The following TMEM131 variants were observed in gnomAD, a reference collection of about 807,000 sequenced individuals.
The protein encoded by TMEM131 is 2610524E03Rik.
In TMEM131, 66 loss-of-function variants were observed where a neutral mutation model predicts 211.6. The ratio of observed to expected loss-of-function variants is 0.31; its 90% confidence interval spans 0.26 to 0.38. The LOEUF (loss-of-function observed/expected upper bound fraction) is 0.38. Among genes scored for constraint, TMEM131 ranks in the 10% least tolerant of loss-of-function variants. The pLI is 1.00. For synonymous variants in TMEM131, 844 were observed against 841.3 expected, an observed-to-expected ratio of 1.00 and a Z score of -0.06; for missense variants, 2,036 against 2,299.3, an observed-to-expected ratio of 0.89 and a Z score of 2.34.
chr2:97,923,451 T>C lies in TMEM131; in HGVS notation c.249+3975A>G, dbSNP rs564410199. Among the ~76,000 whole-genome samples, 3 of 151,594 alleles carry C rather than the reference T, an allele frequency of 2.0e-5. No individual in the cohort carries two copies. In the South Asian group the frequency reaches 6.3e-4, roughly 32 times the overall value. On this transcript the variant is annotated intron_variant, in intron 2 of 40. Transcript: ENST00000186436. ...CAGCCTGGGCAACATAGTGAGAACC[T>C]ACCTCTATAAAAAATGAATAATTAG...
chr2:97,807,499 A>G (rs1024798693), intron 19 of TMEM131, among the ~76,000 whole-genome samples: 3 of 152,326 alleles, frequency 2.0e-5, no homozygotes, highest in South Asian at 4.1e-4. Flanking sequence ...TTGCCTTCCA[A>G]TATGAGTGGA....
At chr2:97,796,430 G>A (rs1680766317) in intron 27 of TMEM131, 26 bp from the exon 28 acceptor site, 2 of 1,405,782 alleles carry the variant, frequency 1.4e-6, no homozygotes, top group Non-Finnish European at 1.9e-6. Flanking sequence ...TCAGGAATAA[G>A]ACTAAATCTT....
intron 1 of TMEM131, among the ~76,000 whole-genome samples, chr2:97,936,593 C>T (rs72817710): frequency 5.1e-4 from 77 of 152,276 alleles, no homozygotes; most frequent in Non-Finnish European, 8.5e-4. Flanking sequence ...GCTCACCACA[C>T]GGAGACTTCA....
chr2:97,995,783 A>G lies in TMEM131; in HGVS notation c.-121T>C. The stretch of plus-strand genomic sequence containing the variant: ...GGCGCCGGGAGCGACAACGGTTGCG[A>G]GCCCGGGGCTCGATCTCCGAGCGTG... On this transcript the variant is annotated 5_prime_UTR_variant, in exon 1 of 41. Coordinates refer to ENST00000186436, the MANE Select transcript of TMEM131 (RefSeq NM_015348.2). The G allele has an allele frequency of 1.4e-6, 1 of 693,680 alleles. No individual in the cohort carries two copies. The allele number at this position is 693,680 out of a possible 1,614,324, so 43.0% of individuals were successfully genotyped here. A position where few individuals can be genotyped will look rare whatever the true frequency, so the allele number is the denominator to read the frequency against.
intron 31 of TMEM131, among the ~76,000 whole-genome samples, chr2:97,792,120 A>C (rs529073369): frequency 5.9e-5 from 9 of 152,230 alleles, no homozygotes; most frequent in Non-Finnish European, 1.3e-4. Flanking sequence ...ACAATAACAC[A>C]ATCTCAGGCA....
chr2:97,940,350 A>T (rs1677659347), intron 1 of TMEM131, among the ~76,000 whole-genome samples: 1 of 152,234 alleles, frequency 6.6e-6, no homozygotes, highest in Non-Finnish European at 1.5e-5. Flanking sequence ...ATGTGCAAAA[A>T]TCACAAGCAC....
chr2:97,794,937 T>C lies in TMEM131; in HGVS notation c.3379A>G (p.Ile1127Val). ...ELALYIIISG[I>V]MSALFLLVIG... ...TGAAACAAGACACAATACCTCATTA[T>C]TCCTGAGATGATGATATACAGAGCC... Residue 1127 changes from isoleucine (I) to valine (V), a missense_variant, in exon 29 of 41, where the codon ATA (isoleucine) becomes GTA (valine). Transcript: ENST00000186436. 1 of 1,580,232 alleles carries C rather than the reference T, an allele frequency of 6.3e-7. No homozygotes were observed. Among genetic ancestry groups the C allele is most frequent in the African/African-American group, 1.3e-5 (1 of 74,256 alleles).
intron 31 of TMEM131, among the ~76,000 whole-genome samples, chr2:97,782,155 G>C (rs879814920): frequency 3.3e-5 from 5 of 152,374 alleles, no homozygotes; most frequent in Admixed American, 3.3e-4. Context: ...TGGTGACAGA[G>C]GAGGCCGAGT....
intron 1 of TMEM131, among the ~76,000 whole-genome samples, chr2:97,947,633 A>G (rs1239446296): frequency 6.6e-6 from 1 of 152,166 alleles, no homozygotes; most frequent in Non-Finnish European, 1.5e-5. Context: ...TTTTCCCCAA[A>G]TTGATCTAGA....
Position 97,995,683 on chromosome 2 carries a change from C to G in TMEM131, c.-21G>C. ...CCCATCCCTGCCGGCCGGGGGCCGC[C>G]GCGCTCGAGGTCCGGCGCGGCCCTT... On this transcript the variant is annotated 5_prime_UTR_variant, in exon 1 of 41. Coordinates refer to ENST00000186436, the MANE Select transcript of TMEM131 (RefSeq NM_015348.2). The G allele has an allele frequency of 8.4e-7, 1 of 1,196,488 alleles. No homozygotes were observed. The highest frequency in any genetic ancestry group is 1.0e-6 in the Non-Finnish European group (1 of 964,802). 74.1% of individuals were successfully genotyped at this position (1,196,488 alleles called of 1,614,324 possible). A position where few individuals can be genotyped will look rare whatever the true frequency, so the allele number is the denominator to read the frequency against.
intron 2 of TMEM131, 80 bp downstream of exon 2, chr2:97,927,346 A>G: frequency 9.2e-7 from 1 of 1,086,442 alleles, no homozygotes. Context: ...CAGATAAACC[A>G]ATTACATTTT....
intron 2 of TMEM131, among the ~76,000 whole-genome samples, chr2:97,918,213 G>A (rs1171107141): frequency 6.6e-6 from 1 of 152,114 alleles, no homozygotes; most frequent in South Asian, 2.1e-4. Flanking sequence ...CAAAGTGTTG[G>A]GATTACAGGT....
intron 1 of TMEM131, among the ~76,000 whole-genome samples, chr2:97,987,683 T>G (rs1680089093): frequency 6.6e-6 from 1 of 152,184 alleles, no homozygotes; most frequent in Non-Finnish European, 1.5e-5. Context: ...AATGATACAC[T>G]GATTAAAATC....
intron 39 of TMEM131, 193 bp from the exon 40 acceptor site, chr2:97,759,246 C>A: frequency 1.6e-6 from 1 of 640,038 alleles, no homozygotes. Context: ...AGTGCACGAG[C>A]TGATATGCCA....
At chr2:97,815,093 T>C (rs1225155158) in intron 13 of TMEM131, 106 bp downstream of exon 13, 14 of 538,666 alleles carry the variant, frequency 2.6e-5, no homozygotes, top group Admixed American at 1.2e-4. Flanking sequence ...AATAATTCCA[T>C]CAAGTTTATG....
chr2:97,819,517 A>G lies in TMEM131; in HGVS notation c.1075-796T>C, dbSNP rs192843443. Among the ~76,000 whole-genome samples the G allele has an allele frequency of 7.3e-4, 111 of 152,336 alleles. No homozygotes were observed. The East Asian group carries it at 0.018, about 24-fold the overall frequency. Reference sequence around the variant, plus strand: ...AATATTGATGTTTTAATAGCTAGGCATCAACAGGTAGGAATGAAACAAGAA... The same window carrying G: ...AATATTGATGTTTTAATAGCTAGGCGTCAACAGGTAGGAATGAAACAAGAA... On this transcript the variant is annotated intron_variant, in intron 11 of 40. Coordinates refer to ENST00000186436, the MANE Select transcript of TMEM131 (RefSeq NM_015348.2).
chr2:97,993,526 C>G (rs1680350655), intron 1 of TMEM131, among the ~76,000 whole-genome samples: 1 of 152,202 alleles, frequency 6.6e-6, no homozygotes, highest in Non-Finnish European at 1.5e-5. Flanking sequence ...AGAACCAGAT[C>G]TGTTTATGAT....
Position 97,859,436 on chromosome 2 carries a change from CA to C in TMEM131, c.360-10del, listed in dbSNP as rs1559406421. 2 of 1,531,622 alleles carry C rather than the reference CA, an allele frequency of 1.3e-6. No individual in the cohort carries two copies. Among genetic ancestry groups the C allele is most frequent in the South Asian group, 1.3e-5 (1 of 77,672 alleles). The allele number at this position is 1,531,622 out of a possible 1,614,324, so 94.9% of individuals were successfully genotyped here. On this transcript the variant is annotated splice_polypyrimidine_tract_variant and intron_variant, in intron 4 of 40. Transcript: ENST00000186436. Reference sequence around the variant, plus strand: ...TTGGCATTCCAACTGGTCTGTAAAACAAAAAGAAAATTATCACAAATATTTC... The same window carrying C: ...TTGGCATTCCAACTGGTCTGTAAAACAAAAGAAAATTATCACAAATATTTC...
intron 4 of TMEM131, 77 bp from the exon 5 acceptor site, chr2:97,859,504 A>G: frequency 1.5e-6 from 2 of 1,292,014 alleles, no homozygotes; most frequent in South Asian, 3.3e-5. Flanking sequence ...AAAATTAATC[A>G]AAATTGTTAG....
Sources: allele counts gnomAD v4.1 joint callset (sites outside exome capture counted in the v4.1 genomes callset), GRCh38; gene constraint gnomAD v4.1.1; transcripts MANE v1.5; gene names NCBI Gene and HGNC (gene_info 2026-07-23, HGNC 2026-07-21).